Variants in BYSL observed in about 807,000 individuals in gnomAD.
The protein encoded by BYSL is bystin.
Under a neutral mutation model 45.4 loss-of-function variants are expected in BYSL, and 21 were observed. The observed-to-expected ratio is 0.46, with a 90% CI of 0.33 to 0.67. BYSL has a LOEUF of 0.67. Ranked by LOEUF, BYSL falls within the 30% of genes least tolerant of loss-of-function variation. The pLI, the probability that BYSL is intolerant of heterozygous loss-of-function variation, is 0.02. For synonymous variants in BYSL, 215 were observed against 231.3 expected (o/e 0.93, Z 0.64); for missense variants, 522 against 578.5 (o/e 0.90, Z 1.00).
chr6:41,927,436 G>T lies in BYSL; in HGVS notation c.331G>T (p.Ala111Ser), dbSNP rs762589874. 6.2e-7 allele frequency: 1 copy of T among 1,614,144 alleles called. No homozygotes were observed. Among genetic ancestry groups the T allele is most frequent in the Non-Finnish European group, 8.5e-7 (1 of 1,180,018 alleles). ...CGAGGAGTGGCCCACCCTGGAGAAG[G>T]CTGCCACAATGACAGCAGCGGGCCA... Reference protein sequence around the residue: ...EDEEWPTLEKAATMTAAGHHA... With the variant: ...EDEEWPTLEKSATMTAAGHHA... The change falls in exon 2 of 7, where the codon GCT becomes TCT. Residue 111 changes from alanine (A) to serine (S), a missense_variant. By Grantham distance (99) the Ala-to-Ser change is moderately conservative. Coordinates refer to ENST00000230340, the MANE Select transcript of BYSL (RefSeq NM_004053.4).
intron 2 of BYSL, among the ~76,000 whole-genome samples, chr6:41,928,764 C>A (rs554862219): frequency 2.6e-5 from 4 of 152,168 alleles, no homozygotes; most frequent in African/African-American, 9.7e-5. Context: ...GAGTTTGACT[C>A]TTACCCCCAC....
the BYSL span, among the ~76,000 whole-genome samples, chr6:41,911,381 C>T: frequency 6.6e-6 from 1 of 151,912 alleles, no homozygotes; most frequent in Admixed American, 6.6e-5. Flanking sequence ...GAACTCCTGA[C>T]CTCAGGTGAT....
chr6:41,931,822 G>A lies in BYSL; in HGVS notation c.960G>A (p.Leu320=). Residue 320 remains leucine (L), a synonymous_variant, in exon 6 of 7, where the codon TTG becomes TTA. Coordinates refer to ENST00000230340, the MANE Select transcript of BYSL (RefSeq NM_004053.4). ...SIITKCSIPV[L]HSSAAMLKIA... is the part of the protein sequence containing the mutation. ...TCACCAAGTGCTCCATCCCTGTGTTGCACTCCAGGTAGTATTGCTGGGGGT... is the reference window on the plus strand; with the variant it reads ...TCACCAAGTGCTCCATCCCTGTGTTACACTCCAGGTAGTATTGCTGGGGGT... 1 of 1,613,354 alleles carries A rather than the reference G, an allele frequency of 6.2e-7. No individual in the cohort carries two copies. Among genetic ancestry groups the A allele is most frequent in the Non-Finnish European group, 8.5e-7 (1 of 1,179,320 alleles).
At chr6:41,913,131 G>C in the BYSL span, 1 of 152,176 alleles carries the variant, frequency 6.6e-6, no homozygotes, top group Non-Finnish European at 1.5e-5. Context: ...AAAAGGTGGG[G>C]GGAAATGCAA....
chr6:41,909,076 A>T, the BYSL span: 1 of 692,148 alleles, frequency 1.4e-6, no homozygotes, highest in Non-Finnish European at 2.4e-6. Context: ...TGGGAGACTG[A>T]GGCGGAAGGA....
rs562324160 is a variant in BYSL at position 41,926,551 on chromosome 6, A to G, written c.269-823A>G. 4.0e-5 allele frequency among the ~76,000 whole-genome samples: 6 copies of G among 151,810 alleles called. No homozygotes were observed. The East Asian group carries it at 9.9e-4, about 25-fold the overall frequency. On this transcript the variant is annotated intron_variant, in intron 1 of 6. Transcript: ENST00000230340. Reference sequence around the variant, plus strand: ...CTGCAACCTCCACCTCCTGGGTTCAAGTGATTCTCCTGCCTCAGCCTTCCA... The same window carrying G: ...CTGCAACCTCCACCTCCTGGGTTCAGGTGATTCTCCTGCCTCAGCCTTCCA...
chr6:41,910,921 CAACA>C, the BYSL span, among the ~76,000 whole-genome samples: 17 of 151,708 alleles, frequency 1.1e-4, no homozygotes, highest in Non-Finnish European at 2.5e-4. Flanking sequence ...CCAGCCTGGC[CAACA>C]TGGTAAAACC....
chr6:41,917,399 T>TAAA, upstream of BYSL: 3 of 158,498 alleles, frequency 1.9e-5, no homozygotes, highest in Admixed American at 6.0e-5. Context: ...GACGCCATCT[T>TAAA]AAAAAAAAAA....
the BYSL span, among the ~76,000 whole-genome samples, chr6:41,913,986 T>C: frequency 2.0e-5 from 3 of 152,224 alleles, no homozygotes; most frequent in Non-Finnish European, 4.4e-5. Flanking sequence ...AGTACTATGA[T>C]TATCTTCATT....
chr6:41,919,053 C>T (rs1477093711), upstream of BYSL, among the ~76,000 whole-genome samples: 7 of 145,084 alleles, frequency 4.8e-5, no homozygotes, highest in Admixed American at 1.5e-4. Context: ...GGCATGAACC[C>T]GGGAGGCGGA....
At chr6:41,923,607 A>C (rs971738642) in intron 1 of BYSL, among the ~76,000 whole-genome samples, 1 of 151,772 alleles carries the variant, frequency 6.6e-6, no homozygotes, top group African/African-American at 2.4e-5. Context: ...CTAATTATTT[A>C]ATTATTTGTA....
chr6:41,929,721 T>G (rs1276856749), intron 2 of BYSL, among the ~76,000 whole-genome samples: 1 of 152,234 alleles, frequency 6.6e-6, no homozygotes, highest in Non-Finnish European at 1.5e-5. Context: ...CATTAACTTA[T>G]TTAATCCTTC....
At chr6:41,924,583 G>C (rs1775538058) in intron 1 of BYSL, among the ~76,000 whole-genome samples, 1 of 152,210 alleles carries the variant, frequency 6.6e-6, no homozygotes, top group Non-Finnish European at 1.5e-5. Flanking sequence ...GTAGGTGCTT[G>C]GTGTTTGCTG....
At chr6:41,923,587 C>T (rs1775521814) in intron 1 of BYSL, among the ~76,000 whole-genome samples, 1 of 152,184 alleles carries the variant, frequency 6.6e-6, no homozygotes, top group South Asian at 2.1e-4. Context: ...TGAGCCACCG[C>T]ACCTGGCCGC....
intron 1 of BYSL, 62 bp from the exon 2 acceptor site, chr6:41,927,312 A>T: frequency 6.3e-7 from 1 of 1,588,600 alleles, no homozygotes; most frequent in South Asian, 1.1e-5. Flanking sequence ...GCTAAAGTTA[A>T]ACTGACGAAA....
At position 41,932,993 on chromosome 6, in the gene BYSL, A is replaced by G. The variant is rs1264309439; in HGVS notation, c.*287A>G. Reference sequence around the variant, plus strand: ...GGGGCTTGGTGTGAGTACTTTTTCTATGGCTATTGTGTCAGGTCACTGTGG... The same window carrying G: ...GGGGCTTGGTGTGAGTACTTTTTCTGTGGCTATTGTGTCAGGTCACTGTGG... On this transcript the variant is annotated 3_prime_UTR_variant, in exon 7 of 7. Transcript: ENST00000230340. This position sits in a 1 kb window ranked among gnomAD's most constrained non-coding sequence, Gnocchi z 4.7. 9.5e-6 allele frequency: 4 copies of G among 420,406 alleles called. No individual in the cohort carries two copies. Among genetic ancestry groups the G allele is most frequent in the South Asian group, 6.6e-5 (2 of 30,428 alleles). The allele number at this position is 420,406 out of a possible 1,614,324, so 26.0% of individuals were successfully genotyped here. A position where few individuals can be genotyped will look rare whatever the true frequency, so the allele number is the denominator to read the frequency against.
At chr6:41,924,800 CAT>C (rs1469583549) in intron 1 of BYSL, among the ~76,000 whole-genome samples, 3 of 152,156 alleles carry the variant, frequency 2.0e-5, no homozygotes, top group Admixed American at 6.5e-5. Context: ...AGGTCAGAAA[CAT>C]AGAGACCAGT....
chr6:41,920,276 T>C (rs943766771), upstream of BYSL, among the ~76,000 whole-genome samples: 1 of 152,166 alleles, frequency 6.6e-6, no homozygotes, highest in Non-Finnish European at 1.5e-5. Context: ...TACCCTTTTT[T>C]CCTCTAGACC....
At chr6:41,912,304 G>A in the BYSL span, among the ~76,000 whole-genome samples, 2 of 137,820 alleles carry the variant, frequency 1.5e-5, no homozygotes, top group East Asian at 2.2e-4. Context: ...ACCTCCCAAA[G>A]TGCTGGGATT....
Sources: allele counts gnomAD v4.1 joint callset (sites outside exome capture counted in the v4.1 genomes callset), GRCh38; gene constraint gnomAD v4.1.1; non-coding constraint Gnocchi (gnomAD v3.1); transcripts MANE v1.5; gene names NCBI Gene and HGNC (gene_info 2026-07-23, HGNC 2026-07-21).